Variants in CAMK1D observed in about 807,000 individuals in gnomAD.
CAMK1D encodes calcium/calmodulin-dependent protein kinase type 1D.
A neutral mutation model predicts 47.7 loss-of-function variants in CAMK1D; 9 were observed. The observed-to-expected ratio is 0.19, with a 90% CI of 0.11 to 0.33. The LOEUF (loss-of-function observed/expected upper bound fraction) is 0.33. CAMK1D is among the 10% of genes least tolerant of loss of function. The probability of loss-of-function intolerance (pLI) is 1.00; values close to 1 mark genes in which losing one functional copy is unlikely to be tolerated. For missense variants in CAMK1D, 291 were observed against 488.7 expected, an observed-to-expected ratio of 0.60 and a Z score of 3.81; for synonymous variants, 184 against 184.9, an observed-to-expected ratio of 0.99 and a Z score of 0.04.
intron 2 of CAMK1D, among the ~76,000 whole-genome samples, chr10:12,599,400 G>A (rs897923331): frequency 6.6e-6 from 1 of 152,168 alleles, no homozygotes; most frequent in Non-Finnish European, 1.5e-5. Flanking sequence ...GACCAAGGAA[G>A]CATGTGGCTC....
chr10:12,590,030 C>T (rs1837950428), intron 2 of CAMK1D, among the ~76,000 whole-genome samples: 1 of 152,186 alleles, frequency 6.6e-6, no homozygotes, highest in African/African-American at 2.4e-5. Flanking sequence ...ATGCTAAAAA[C>T]ACAACCGCAA....
At chr10:12,417,807 C>CTT (rs34013103) in intron 1 of CAMK1D, among the ~76,000 whole-genome samples, 58 of 145,392 alleles carry the variant, frequency 4.0e-4, no homozygotes, top group African/African-American at 1.0e-3. Flanking sequence ...TATTTTTTGC[C>CTT]TTTTTTTTTT....
chr10:12,774,757 C>A (rs1837203004), intron 5 of CAMK1D, among the ~76,000 whole-genome samples: 1 of 152,216 alleles, frequency 6.6e-6, no homozygotes, highest in Non-Finnish European at 1.5e-5. Flanking sequence ...AGTAGATTCT[C>A]ATGGGAGCTT....
At chr10:12,640,064 A>T (rs1300134931) in intron 2 of CAMK1D, among the ~76,000 whole-genome samples, 1 of 152,184 alleles carries the variant, frequency 6.6e-6, no homozygotes, top group Admixed American at 6.5e-5. Flanking sequence ...ACAGAAACTG[A>T]CAGATGTCCT....
intron 6 of CAMK1D, among the ~76,000 whole-genome samples, chr10:12,795,771 G>A (rs1838172001): frequency 6.6e-6 from 1 of 152,158 alleles, no homozygotes; most frequent in South Asian, 2.1e-4. Flanking sequence ...GGAAGGAGAA[G>A]TATTTTTTCC....
intron 3 of CAMK1D, among the ~76,000 whole-genome samples, chr10:12,676,222 G>A (rs1344477122): frequency 1.3e-5 from 2 of 152,178 alleles, no homozygotes; most frequent in Non-Finnish European, 2.9e-5. Context: ...CCAGAGTGCT[G>A]GGATTACAGG....
intron 3 of CAMK1D, among the ~76,000 whole-genome samples, chr10:12,680,560 G>A (rs10508446): frequency 0.29 from 44,054 of 151,964 alleles, 6,925 homozygotes; most frequent in South Asian, 0.4. Flanking sequence ...TTCCAAAACC[G>A]GATCTCATCT....
At chr10:12,470,982 T>C (rs548493228) in intron 1 of CAMK1D, among the ~76,000 whole-genome samples, 1 of 152,338 alleles carries the variant, frequency 6.6e-6, no homozygotes, top group South Asian at 2.1e-4. Flanking sequence ...TGATTTGCCT[T>C]CTTTTTGTTA....
At chr10:12,608,609 A>G (rs1176745437) in intron 2 of CAMK1D, among the ~76,000 whole-genome samples, 1 of 152,248 alleles carries the variant, frequency 6.6e-6, no homozygotes, top group Non-Finnish European at 1.5e-5. Flanking sequence ...CCACCACTAC[A>G]GATGAGCAAG....
chr10:12,565,310 G>T (rs1837086554), intron 2 of CAMK1D, among the ~76,000 whole-genome samples: 1 of 141,320 alleles, frequency 7.1e-6, no homozygotes, highest in South Asian at 2.6e-4. Flanking sequence ...GAGTGCAGTG[G>T]CACGACTCGG....
At chr10:12,464,914 A>G (rs1464222809) in intron 1 of CAMK1D, among the ~76,000 whole-genome samples, 5 of 152,186 alleles carry the variant, frequency 3.3e-5, no homozygotes, top group East Asian at 1.9e-4. Flanking sequence ...TCACAAGTCA[A>G]TTCTCTAAAG....
intron 3 of CAMK1D, among the ~76,000 whole-genome samples, chr10:12,686,266 G>C (rs1832659935): frequency 6.6e-6 from 1 of 152,160 alleles, no homozygotes; most frequent in South Asian, 2.1e-4. Context: ...GCGAAGATAT[G>C]ATGTTAATGA....
At chr10:12,670,730 G>A (rs1840589167) in intron 3 of CAMK1D, among the ~76,000 whole-genome samples, 1 of 152,024 alleles carries the variant, frequency 6.6e-6, no homozygotes, top group Non-Finnish European at 1.5e-5. Context: ...GTATTTTTTA[G>A]TAGAGATGGG....
chr10:12,377,976 A>G (rs369102065), intron 1 of CAMK1D, among the ~76,000 whole-genome samples: 2 of 152,248 alleles, frequency 1.3e-5, no homozygotes, highest in African/African-American at 4.8e-5. Flanking sequence ...GCTGTTGAAC[A>G]TTCTAGTTTG....
chr10:12,371,064 T>G (rs1304383867), intron 1 of CAMK1D, among the ~76,000 whole-genome samples: 1 of 152,214 alleles, frequency 6.6e-6, no homozygotes. Context: ...TAAGTTACAG[T>G]AAGCTAATAT....
At chr10:12,669,715 C>G (rs1840550015) in intron 3 of CAMK1D, among the ~76,000 whole-genome samples, 1 of 152,110 alleles carries the variant, frequency 6.6e-6, no homozygotes, top group Non-Finnish European at 1.5e-5. Context: ...CCCTAGTCAA[C>G]CAGTGACCTA....
chr10:12,548,941 C>T (rs60947570), intron 1 of CAMK1D, among the ~76,000 whole-genome samples: 5,624 of 150,966 alleles, frequency 0.037, 332 homozygotes, highest in African/African-American at 0.13. Flanking sequence ...CTGCAACCTC[C>T]GCCTCCTGGG....
intron 3 of CAMK1D, among the ~76,000 whole-genome samples, chr10:12,681,930 A>G (rs1437930119): frequency 6.6e-6 from 1 of 152,230 alleles, no homozygotes; most frequent in Non-Finnish European, 1.5e-5. Context: ...GATGTATAAG[A>G]GTTAGTTGGC....
In CAMK1D at chr10:12,526,859, A is replaced by G. The variant is rs112968934; in HGVS notation, c.93-26366A>G. ...ATTGAGCCTGGGAGGTTGAGGCTGCAGTGAGCTGTGATCATATCATTGAGC... is the reference window on the plus strand; with the variant it reads ...ATTGAGCCTGGGAGGTTGAGGCTGCGGTGAGCTGTGATCATATCATTGAGC... On this transcript the variant is annotated intron_variant, in intron 1 of 10. Transcript: ENST00000619168. 6.6e-3 allele frequency among the ~76,000 whole-genome samples: 977 copies of G among 148,148 alleles called. 12 individuals carry two copies. Among genetic ancestry groups the G allele is most frequent in the African/African-American group, 0.024 (945 of 39,626 alleles).
Sources: gnomAD v4.1 joint callset for allele counts (sites outside exome capture counted in the v4.1 genomes callset) on GRCh38, gnomAD v4.1.1 for gene constraint, MANE v1.5 for transcripts, NCBI Gene and HGNC (gene_info 2026-07-23, HGNC 2026-07-21) for gene names.